The following KLHL29 variants were observed in gnomAD, a reference collection of about 807,000 sequenced individuals.
KLHL29 encodes the protein kelch-like protein 29.
KLHL29 carries 21 observed loss-of-function variants against 80.4 expected under a neutral mutation model. The ratio of observed to expected loss-of-function variants is 0.26; its 90% CI spans 0.19 to 0.38. The LOEUF is 0.38. KLHL29 is among the 10% of genes least tolerant of loss of function. The pLI, the probability that KLHL29 is intolerant of heterozygous loss-of-function variation, is 1.00. For synonymous variants in KLHL29, 511 were observed against 526.8 expected (o/e 0.97, Z 0.41); for missense variants, 867 against 1,223.9 (o/e 0.71, Z 4.35).
At chr2:23,566,801 G>A (rs1667599847) in intron 3 of KLHL29, among the ~76,000 whole-genome samples, 1 of 152,222 alleles carries the variant, frequency 6.6e-6, no homozygotes, top group South Asian at 2.1e-4. Context: ...AATATGCATA[G>A]AAAAGCTTAA....
intron 2 of KLHL29, among the ~76,000 whole-genome samples, chr2:23,510,565 A>G (rs1377176615): frequency 6.6e-6 from 1 of 152,226 alleles, no homozygotes; most frequent in Admixed American, 6.5e-5. Flanking sequence ...GGGTCTGCCC[A>G]CAGGGTCCCC....
rs977822078 is a variant in KLHL29, at chr2:23,596,210, C to T, written c.285+33729C>T. Among the ~76,000 whole-genome samples the T allele has an allele frequency of 6.6e-6, 1 of 152,190 alleles. No individual in the cohort carries two copies. The highest frequency in any genetic ancestry group is 1.5e-5 in the Non-Finnish European group (1 of 68,032). On this transcript the variant is annotated intron_variant, in intron 3 of 13. Coordinates refer to ENST00000486442, the MANE Select transcript of KLHL29 (RefSeq NM_052920.2). The surrounding 1 kb of genome is among the most constrained non-coding windows in gnomAD (Gnocchi z 4.4). ...GGCAGGGCAACAGCCTTGTACCCTGCTGCCATCTGCTTTGACCCTGCCAGG... is the reference window on the plus strand; with the variant it reads ...GGCAGGGCAACAGCCTTGTACCCTGTTGCCATCTGCTTTGACCCTGCCAGG...
chr2:23,393,436 T>C (rs149657576), intron 1 of KLHL29, among the ~76,000 whole-genome samples: 1 of 152,346 alleles, frequency 6.6e-6, no homozygotes, highest in Non-Finnish European at 1.5e-5. Flanking sequence ...CCTGGGTCTG[T>C]CTGGCGCTTC....
At chr2:23,613,535 G>C (rs1022371019) in intron 3 of KLHL29, among the ~76,000 whole-genome samples, 2 of 152,104 alleles carry the variant, frequency 1.3e-5, no homozygotes, top group Admixed American at 1.3e-4. Context: ...GGAGGCTGAG[G>C]TGGGCGGATC....
At position 23,562,616 on chromosome 2, in the gene KLHL29, C is replaced by T. The variant is rs147634803; in HGVS notation, c.285+135C>T. 9.2e-6 allele frequency: 8 copies of T among 867,422 alleles called. No homozygotes were observed. The highest frequency in any genetic ancestry group is 1.4e-5 in the Non-Finnish European group (8 of 584,396). 53.7% of individuals were successfully genotyped at this position (867,422 alleles called of 1,614,324 possible). A position where few individuals can be genotyped will look rare whatever the true frequency, so the allele number is the denominator to read the frequency against. On this transcript the variant is annotated intron_variant, in intron 3 of 13. Transcript: ENST00000486442. The surrounding 1 kb of genome is among the most constrained non-coding windows in gnomAD (Gnocchi z 4.5). ...CGAGTCCTCCAGAGTCTTGTCCTTCCAGGACCTGGGCCTGGAAACTGTTTG... is the reference window on the plus strand; with the variant it reads ...CGAGTCCTCCAGAGTCTTGTCCTTCTAGGACCTGGGCCTGGAAACTGTTTG...
At chr2:23,618,496 T>C (rs1669079944) in intron 3 of KLHL29, among the ~76,000 whole-genome samples, 1 of 152,162 alleles carries the variant, frequency 6.6e-6, no homozygotes. Context: ...GAGGGGTTTC[T>C]CCTGACCGCC....
intron 1 of KLHL29, among the ~76,000 whole-genome samples, chr2:23,389,240 G>GT (rs1186522244): frequency 2.2e-4 from 34 of 152,034 alleles, no homozygotes; most frequent in Admixed American, 1.3e-3. Flanking sequence ...TGAACAGGCA[G>GT]TTTTACTTAA....
intron 2 of KLHL29, among the ~76,000 whole-genome samples, chr2:23,560,028 GC>G (rs1171767457): frequency 6.6e-6 from 1 of 152,168 alleles, no homozygotes; most frequent in East Asian, 1.9e-4. Flanking sequence ...GTTGAGGACA[GC>G]GGCATAAATG....
rs543013181 is a variant in KLHL29 at position 23,575,604 on chromosome 2, C to T, written c.285+13123C>T. Reference sequence around the variant, plus strand: ...GGCCGTAACTATCCTCATTAAATAACCTTGGGAGGTGGTATCATGCCCAGG... The same window carrying T: ...GGCCGTAACTATCCTCATTAAATAATCTTGGGAGGTGGTATCATGCCCAGG... On this transcript the variant is annotated intron_variant, in intron 3 of 13. Transcript: ENST00000486442. Among the ~76,000 whole-genome samples, 3 of 152,356 alleles carry T rather than the reference C, an allele frequency of 2.0e-5. No homozygotes were observed. In the East Asian group the frequency reaches 5.8e-4, roughly 29 times the overall value.
At chr2:23,460,823 G>A (rs564121371) in intron 1 of KLHL29, among the ~76,000 whole-genome samples, 3 of 151,962 alleles carry the variant, frequency 2.0e-5, no homozygotes, top group South Asian at 2.1e-4. Context: ...GGAGCTTCCC[G>A]TGAAGGGAGC....
At chr2:23,698,184 C>T (rs1021148811) in intron 11 of KLHL29, among the ~76,000 whole-genome samples, 3 of 152,170 alleles carry the variant, frequency 2.0e-5, no homozygotes, top group East Asian at 1.9e-4. Flanking sequence ...AGCATGGGCA[C>T]AGTGTGAGCG....
chr2:23,691,313 C>T (rs921990769), intron 6 of KLHL29: 5 of 290,814 alleles, frequency 1.7e-5, no homozygotes, highest in East Asian at 1.9e-4. Context: ...GGCTGGGATG[C>T]GTCGGCCTGC....
rs149080311 is a variant in KLHL29, at chr2:23,541,765, C to CAAAAAAAAAAAA, written c.-45-20381_-45-20380insAAAAAAAAAAAA. On this transcript the variant is annotated intron_variant, in intron 2 of 13. Transcript: ENST00000486442. ...AAAGAGCTTTTAAAAAAGCCCAACC[C>CAAAAAAAAAAAA]AAAAAACAAAAAAAAAAAAACCATA... Among the ~76,000 whole-genome samples, 28 of 139,938 alleles carry CAAAAAAAAAAAA rather than the reference C, an allele frequency of 2.0e-4. 1 individual carries two copies. The highest frequency in any genetic ancestry group is 7.9e-4 in the African/African-American group (27 of 34,274). The allele number at this position is 139,938 out of a possible 152,430, so 91.8% of individuals were successfully genotyped here.
intron 1 of KLHL29, among the ~76,000 whole-genome samples, chr2:23,433,674 G>A (rs1281697991): frequency 6.6e-6 from 1 of 152,194 alleles, no homozygotes; most frequent in Non-Finnish European, 1.5e-5. Context: ...AGCACTTTGA[G>A]AGGTTGAAGT....
At chr2:23,411,203 G>A (rs2103394999) in intron 1 of KLHL29, among the ~76,000 whole-genome samples, 1 of 152,324 alleles carries the variant, frequency 6.6e-6, no homozygotes, top group Non-Finnish European at 1.5e-5. Flanking sequence ...CCAGGTGAGG[G>A]AGGGGCAGTT....
intron 2 of KLHL29, among the ~76,000 whole-genome samples, chr2:23,493,349 T>G (rs1665161212): frequency 6.6e-6 from 1 of 152,158 alleles, no homozygotes; most frequent in Non-Finnish European, 1.5e-5. Flanking sequence ...CTTACACATA[T>G]TTTCATTTTT....
At chr2:23,492,660 A>G (rs1317074485) in intron 2 of KLHL29, among the ~76,000 whole-genome samples, 5 of 152,234 alleles carry the variant, frequency 3.3e-5, no homozygotes, top group Non-Finnish European at 1.5e-5. Flanking sequence ...CCTGATGCTT[A>G]TATGAATATA....
chr2:23,446,671 C>T (rs1663698033), intron 1 of KLHL29, among the ~76,000 whole-genome samples: 1 of 152,148 alleles, frequency 6.6e-6, no homozygotes, highest in African/African-American at 2.4e-5. Context: ...AAGGAAAAGC[C>T]CTGTAAAACC....
At chr2:23,673,543 TACAC>T (rs748135362) in intron 5 of KLHL29, among the ~76,000 whole-genome samples, 18 of 146,050 alleles carry the variant, frequency 1.2e-4, no homozygotes, top group Non-Finnish European at 2.4e-4. Flanking sequence ...TGAGGGCACA[TACAC>T]ACGCCCATGC....
Sources: allele counts gnomAD v4.1 joint callset (sites outside exome capture counted in the v4.1 genomes callset), GRCh38; gene constraint gnomAD v4.1.1; non-coding constraint Gnocchi (gnomAD v3.1); transcripts MANE v1.5; gene names NCBI Gene and HGNC (gene_info 2026-07-23, HGNC 2026-07-21).